GALNT10: variants seen among roughly 807,000 people sequenced by gnomAD.
GALNT10 encodes polypeptide N-acetylgalactosaminyltransferase 10, also known as GalNAc transferase 10.
Under a neutral mutation model 75.0 loss-of-function variants are expected in GALNT10, and 41 were observed. That is an observed-to-expected ratio of 0.55 (90% CI 0.43 to 0.71). The LOEUF (loss-of-function observed/expected upper bound fraction) is 0.71. Among genes scored for constraint, GALNT10 ranks in the 30% least tolerant of loss-of-function variants. The pLI is 0.00. For synonymous variants in GALNT10, 302 were observed against 313.0 expected (o/e 0.96, Z 0.37); for missense variants, 727 against 818.5 (o/e 0.89, Z 1.36).
intron 6 of GALNT10, 56 bp downstream of exon 6, chr5:154,380,687 A>C: frequency 8.3e-7 from 1 of 1,207,246 alleles, no homozygotes; most frequent in Non-Finnish European, 1.2e-6. Context: ...CACTCCCAAC[A>C]CGCACACAAC....
intron 3 of GALNT10, 121 bp from the exon 4 acceptor site, chr5:154,329,451 G>C (rs1350908116): frequency 8.4e-6 from 6 of 717,084 alleles, no homozygotes; most frequent in African/African-American, 1.7e-5. Flanking sequence ...CCTGGATTTT[G>C]CTCATTCCCT....
In GALNT10 at chr5:154,204,070, T is replaced by C. The variant is rs1330953484; in HGVS notation, c.159+13045T>C. 2.6e-5 allele frequency among the ~76,000 whole-genome samples: 4 copies of C among 152,328 alleles called. No homozygotes were observed. In the South Asian group the frequency reaches 8.3e-4, roughly 32 times the overall value. On this transcript the variant is annotated intron_variant, in intron 1 of 11. Transcript: ENST00000297107. The stretch of plus-strand genomic sequence containing the variant: ...TGACCCCTTTCTAGTCTTTTCATGA[T>C]GAAAGAGCCCTGGGTTTTGAGGCAG...
intron 3 of GALNT10, among the ~76,000 whole-genome samples, chr5:154,308,821 ACTGT>A (rs952743421): frequency 2.0e-5 from 3 of 152,044 alleles, no homozygotes; most frequent in African/African-American, 7.2e-5. Flanking sequence ...GTCACTTAAA[ACTGT>A]CTCTGAAAGC....
intron 1 of GALNT10, among the ~76,000 whole-genome samples, chr5:154,270,017 A>G (rs1293111518): frequency 6.6e-6 from 1 of 152,018 alleles, no homozygotes; most frequent in Non-Finnish European, 1.5e-5. Context: ...TCTCTTATCA[A>G]AGGCCAGACT....
chr5:154,399,267 G>C (rs748919808), intron 7 of GALNT10, among the ~76,000 whole-genome samples: 7 of 152,214 alleles, frequency 4.6e-5, no homozygotes, highest in South Asian at 2.1e-4. Flanking sequence ...CCTGGGCCAT[G>C]AGCAGAACCA....
intron 3 of GALNT10, among the ~76,000 whole-genome samples, chr5:154,302,991 A>T (rs1754382500): frequency 6.6e-6 from 1 of 152,162 alleles, no homozygotes; most frequent in African/African-American, 2.4e-5. Context: ...TAAGTCAACC[A>T]CATTTATTGT....
intron 10 of GALNT10, among the ~76,000 whole-genome samples, chr5:154,413,819 A>G (rs1756449521): frequency 6.6e-6 from 1 of 152,238 alleles, no homozygotes; most frequent in Non-Finnish European, 1.5e-5. Context: ...AAAAGAAAAA[A>G]TTGAAAAACT....
chr5:154,200,123 C>G (rs1401448604), intron 1 of GALNT10, among the ~76,000 whole-genome samples: 1 of 152,114 alleles, frequency 6.6e-6, no homozygotes, highest in African/African-American at 2.4e-5. Context: ...TTGCGGAGGC[C>G]TCAGTGGGAG....
intron 1 of GALNT10, among the ~76,000 whole-genome samples, chr5:154,246,115 G>A (rs929433443): frequency 8.0e-5 from 12 of 149,532 alleles, no homozygotes; most frequent in Non-Finnish European, 1.2e-4. Flanking sequence ...AGTTTCATCC[G>A]TGTCCCTACA....
chr5:154,412,662 T>C lies in GALNT10; in HGVS notation c.1387-227T>C, dbSNP rs1281787527. On this transcript the variant is annotated intron_variant, in intron 9 of 11. Coordinates refer to ENST00000297107, the MANE Select transcript of GALNT10 (RefSeq NM_198321.4). This position sits in a 1 kb window ranked among gnomAD's most constrained non-coding sequence, Gnocchi z 4.2. ...CACCAACCCAGGACTCTGCATACTC[T>C]ACAATACTACTTACAGCAGTGCTTT... is the stretch of plus-strand genomic sequence containing the variant. The C allele has an allele frequency of 1.3e-5, 6 of 472,240 alleles. No homozygotes were observed. The highest frequency in any genetic ancestry group is 3.3e-5 in the Admixed American group (1 of 30,332). 29.3% of individuals were successfully genotyped at this position (472,240 alleles called of 1,614,324 possible).
Position 154,238,911 on chromosome 5 carries a change from C to A in GALNT10, c.159+47886C>A, listed in dbSNP as rs114000211. On this transcript the variant is annotated intron_variant, in intron 1 of 11. Coordinates refer to ENST00000297107, the MANE Select transcript of GALNT10 (RefSeq NM_198321.4). ...TGTTCGGCAAACTTTGTATTTGATT[C>A]GCACCAGCCTCATGGGGGAGGTTCT... Among the ~76,000 whole-genome samples the A allele has an allele frequency of 4.7e-3, 720 of 152,226 alleles. 6 individuals carry two copies. Among genetic ancestry groups the A allele is most frequent in the African/African-American group, 0.016 (684 of 41,530 alleles).
At chr5:154,351,336 G>A (rs1167661692) in intron 4 of GALNT10, among the ~76,000 whole-genome samples, 1 of 152,222 alleles carries the variant, frequency 6.6e-6, no homozygotes, top group Non-Finnish European at 1.5e-5. Context: ...AACCACTCTA[G>A]TGTGCAGCCT....
At chr5:154,251,066 C>A (rs967420588) in intron 1 of GALNT10, among the ~76,000 whole-genome samples, 2 of 152,102 alleles carry the variant, frequency 1.3e-5, no homozygotes, top group African/African-American at 4.8e-5. Context: ...AAATAAAATA[C>A]AAGATACAGA....
intron 4 of GALNT10, among the ~76,000 whole-genome samples, chr5:154,369,151 G>A (rs1167234695): frequency 6.6e-6 from 1 of 152,186 alleles, no homozygotes; most frequent in South Asian, 2.1e-4. Flanking sequence ...ACTTTGGGAG[G>A]CCGAAGTGGG....
chr5:154,241,050 C>G (rs1753328448), intron 1 of GALNT10, among the ~76,000 whole-genome samples: 1 of 152,226 alleles, frequency 6.6e-6, no homozygotes, highest in Admixed American at 6.5e-5. Context: ...GAGGGGGCCT[C>G]TTGCTCAGAT....
intron 1 of GALNT10, among the ~76,000 whole-genome samples, chr5:154,293,613 A>ATATATATATATATATTTTTTTTTTTTTTT: frequency 2.5e-4 from 27 of 109,386 alleles, no homozygotes; most frequent in African/African-American, 1.0e-3. Flanking sequence ...ATATATATAT[A>ATATATATATATATATTTTTTTTTTTTTTT]TTTTTTTTTT....
Position 154,418,380 on chromosome 5 carries a change from T to C in GALNT10, c.*1408T>C, listed in dbSNP as rs1756558594. 1.3e-5 allele frequency: 2 copies of C among 152,382 alleles called. No individual in the cohort carries two copies. Among genetic ancestry groups the C allele is most frequent in the East Asian group, 1.9e-4 (1 of 5,192 alleles). The allele number at this position is 152,382 out of a possible 1,614,324, so 9.4% of individuals were successfully genotyped here. The stretch of plus-strand genomic sequence containing the variant: ...AGCCCTTCATGTTTACCTTTTGCTT[T>C]GTTAATTACATGTCAGACTCCTAGA... On this transcript the variant is annotated 3_prime_UTR_variant, in exon 12 of 12. Transcript: ENST00000297107.
intron 1 of GALNT10, among the ~76,000 whole-genome samples, chr5:154,245,185 C>G (rs894248655): frequency 2.0e-5 from 3 of 152,126 alleles, no homozygotes; most frequent in African/African-American, 7.2e-5. Context: ...GAGATGACAA[C>G]TAGAGCCACC....
chr5:154,227,064 T>TTATA (rs1448782444), intron 1 of GALNT10, among the ~76,000 whole-genome samples: 1 of 152,252 alleles, frequency 6.6e-6, no homozygotes, highest in Non-Finnish European at 1.5e-5. Context: ...CTTTGTGTGG[T>TTATA]TATACCATGG....
Sources: allele counts gnomAD v4.1 joint callset (sites outside exome capture counted in the v4.1 genomes callset), GRCh38; gene constraint gnomAD v4.1.1; non-coding constraint Gnocchi (gnomAD v3.1); transcripts MANE v1.5; gene names NCBI Gene and HGNC (gene_info 2026-07-23, HGNC 2026-07-21).